The following FBXO34 variants were observed in gnomAD, a reference collection of about 807,000 sequenced individuals.
FBXO34 encodes F-box only protein 34.
Under a neutral mutation model 24.5 loss-of-function variants are expected in FBXO34, and 12 were observed. The observed-to-expected ratio is 0.49, with a 90% CI of 0.31 to 0.79. The LOEUF (loss-of-function observed/expected upper bound fraction) is 0.79. Ranked by LOEUF, FBXO34 falls within the 30% of genes least tolerant of loss-of-function variation. FBXO34 has a pLI of 0.04. For synonymous variants in FBXO34, 320 were observed against 311.9 expected (o/e 1.03, Z -0.27); for missense variants, 823 against 857.7 (o/e 0.96, Z 0.51).
chr14:55,411,875 A>T, the FBXO34 span: 1 of 1,495,824 alleles, frequency 6.7e-7, no homozygotes, highest in South Asian at 1.2e-5. Context: ...AACCGGGTGC[A>T]TTCTGGGCCA....
intron 1 of FBXO34, among the ~76,000 whole-genome samples, chr14:55,289,495 C>T (rs2139672740): frequency 6.6e-6 from 1 of 152,202 alleles, no homozygotes; most frequent in South Asian, 2.1e-4. Context: ...CTTATCTATT[C>T]TTCCGGTATA....
chr14:55,384,839 G>A, the FBXO34 span, among the ~76,000 whole-genome samples: 4 of 152,224 alleles, frequency 2.6e-5, no homozygotes, highest in Non-Finnish European at 4.4e-5. Flanking sequence ...GCCTTCGGTA[G>A]TAGTTTCCAA....
At chr14:55,341,346 G>A (rs1883985076) in intron 1 of FBXO34, among the ~76,000 whole-genome samples, 1 of 152,192 alleles carries the variant, frequency 6.6e-6, no homozygotes, top group Non-Finnish European at 1.5e-5. Context: ...ACTGGATTTT[G>A]TGAGAAAGTG....
rs1315734913 is a variant in FBXO34 at position 55,346,653 on chromosome 14, T to TG, written c.-10-3724dup. Among the ~76,000 whole-genome samples the TG allele has an allele frequency of 7.2e-5, 11 of 152,094 alleles. No homozygotes were observed. In the South Asian group the frequency reaches 2.3e-3, roughly 32 times the overall value. On this transcript the variant is annotated intron_variant, in intron 1 of 1. Transcript: ENST00000313833. ...CTGAAGAACACTGATGTTTAGGGGC[T>TG]GGGGAAGAAGAGAGCTGGGAAGTCT...
chr14:55,282,454 A>G (rs1452614826), intron 1 of FBXO34: 1 of 246,974 alleles, frequency 4.0e-6, no homozygotes, highest in Admixed American at 3.7e-5. Flanking sequence ...AGACAGCATT[A>G]TAAGAACTTT....
chr14:55,303,586 C>G (rs971730571), intron 1 of FBXO34, among the ~76,000 whole-genome samples: 4 of 145,048 alleles, frequency 2.8e-5, no homozygotes, highest in Non-Finnish European at 4.5e-5. Context: ...CTCCCCTCTC[C>G]CATTCTTATC....
intron 1 of FBXO34, among the ~76,000 whole-genome samples, chr14:55,335,859 A>G (rs192229446): frequency 7.2e-5 from 11 of 152,336 alleles, no homozygotes; most frequent in Admixed American, 1.3e-4. Flanking sequence ...GTATAACTAC[A>G]TGCCAACTGT....
intron 1 of FBXO34, among the ~76,000 whole-genome samples, chr14:55,276,070 C>G (rs1468441392): frequency 6.6e-6 from 1 of 152,192 alleles, no homozygotes; most frequent in Non-Finnish European, 1.5e-5. Context: ...ACTAGTCTAT[C>G]TAGGCAATCT....
At chr14:55,288,372 T>A (rs1881832789) in intron 1 of FBXO34, among the ~76,000 whole-genome samples, 1 of 152,088 alleles carries the variant, frequency 6.6e-6, no homozygotes, top group Non-Finnish European at 1.5e-5. Context: ...CATACACTAA[T>A]CATAGCTGGG....
At chr14:55,329,273 T>C (rs1040397529) in intron 1 of FBXO34, among the ~76,000 whole-genome samples, 3 of 152,078 alleles carry the variant, frequency 2.0e-5, no homozygotes, top group Non-Finnish European at 4.4e-5. Flanking sequence ...CTCCTTAAGA[T>C]GTGTACTAGT....
chr14:55,312,736 A>G (rs1882790641), intron 1 of FBXO34, among the ~76,000 whole-genome samples: 1 of 152,084 alleles, frequency 6.6e-6, no homozygotes, highest in Non-Finnish European at 1.5e-5. Context: ...ACGTTGCTCC[A>G]TTTTCACCCC....
the FBXO34 span, among the ~76,000 whole-genome samples, chr14:55,384,605 A>G: frequency 6.6e-6 from 1 of 152,262 alleles, no homozygotes; most frequent in African/African-American, 2.4e-5. Context: ...CTTAGAGTCA[A>G]GAGAGCAGCT....
chr14:55,346,206 T>C (rs904211321), intron 1 of FBXO34, among the ~76,000 whole-genome samples: 4 of 152,140 alleles, frequency 2.6e-5, no homozygotes, highest in African/African-American at 9.7e-5. Flanking sequence ...GTGTGAAGTA[T>C]GGTAGAGCAA....
the FBXO34 span, chr14:55,380,750 T>A: frequency 1.9e-6 from 2 of 1,069,400 alleles, no homozygotes; most frequent in East Asian, 2.5e-5. Context: ...CTACTAATAA[T>A]CCACGAGTTT....
At chr14:55,335,888 T>C (rs1183674609) in intron 1 of FBXO34, among the ~76,000 whole-genome samples, 2 of 152,218 alleles carry the variant, frequency 1.3e-5, no homozygotes, top group Admixed American at 6.5e-5. Context: ...TATTAATGGC[T>C]ACATCACTAT....
chr14:55,401,972 G>C, the FBXO34 span, among the ~76,000 whole-genome samples: 1 of 152,212 alleles, frequency 6.6e-6, no homozygotes, highest in Non-Finnish European at 1.5e-5. Context: ...TGAGGTAGTG[G>C]TTATGAATGC....
chr14:55,354,906 A>G (rs1884497631), downstream of FBXO34, among the ~76,000 whole-genome samples: 2 of 152,098 alleles, frequency 1.3e-5, no homozygotes, highest in Non-Finnish European at 2.9e-5. Flanking sequence ...GAATTCAAGA[A>G]AGGACATGAT....
chr14:55,275,251 C>G (rs895066304), intron 1 of FBXO34, among the ~76,000 whole-genome samples: 15 of 152,154 alleles, frequency 9.9e-5, no homozygotes, highest in African/African-American at 3.6e-4. Flanking sequence ...AAATATTCAG[C>G]TTCAGAAACC....
intron 1 of FBXO34, among the ~76,000 whole-genome samples, chr14:55,290,737 A>C (rs1881918761): frequency 6.6e-6 from 1 of 152,238 alleles, no homozygotes; most frequent in African/African-American, 2.4e-5. Context: ...CCACATCTGA[A>C]TGCAAAGAAG....
Sources: allele counts gnomAD v4.1 joint callset (sites outside exome capture counted in the v4.1 genomes callset), GRCh38; gene constraint gnomAD v4.1.1; transcripts MANE v1.5; gene names NCBI Gene and HGNC (gene_info 2026-07-23, HGNC 2026-07-21).